Variants in STK3 observed in about 807,000 individuals in gnomAD.
The protein encoded by STK3 is serine/threonine kinase 3.
In STK3, 41 loss-of-function variants were observed where a neutral mutation model predicts 58.0. The observed-to-expected ratio is 0.71, with a 90% CI of 0.55 to 0.92. The LOEUF is 0.92. STK3 is among the 40% of genes least tolerant of loss of function. The pLI is 0.00. For missense variants in STK3, 479 were observed against 602.7 expected (o/e 0.79, Z 2.15); for synonymous variants, 170 against 191.0 (o/e 0.89, Z 0.91).
At chr8:98,589,505 G>A (rs1815046851) in intron 7 of STK3, among the ~76,000 whole-genome samples, 1 of 152,230 alleles carries the variant, frequency 6.6e-6, no homozygotes, top group South Asian at 2.1e-4. Flanking sequence ...CTTCAAAGCT[G>A]TCAGACAGGG....
chr8:98,523,622 G>A (rs181630117), intron 10 of STK3, among the ~76,000 whole-genome samples: 12 of 151,946 alleles, frequency 7.9e-5, no homozygotes, highest in East Asian at 3.9e-4. Context: ...TGATCCACCC[G>A]CCTCAGCCTC....
intron 4 of STK3, among the ~76,000 whole-genome samples, chr8:98,718,046 C>T (rs535425525): frequency 2.0e-5 from 3 of 152,094 alleles, no homozygotes; most frequent in Admixed American, 6.5e-5. Context: ...TGCCAGGGGC[C>T]GAGGTAGCAC....
intron 6 of STK3, among the ~76,000 whole-genome samples, chr8:98,644,545 G>A (rs1234620039): frequency 6.6e-6 from 1 of 151,952 alleles, no homozygotes; most frequent in African/African-American, 2.4e-5. Flanking sequence ...CATGAATAAA[G>A]GGTCCCAAAT....
rs555230408 is a variant in STK3, at chr8:98,821,554, G to T, written c.26+3961C>A. On this transcript the variant is annotated intron_variant, in intron 1 of 10. Transcript: ENST00000419617. ...GCGTGCTTGTGGTCCCAGCTAATCA[G>T]GGAGGCTGAGGTGAGAGGATCACCT... 3.3e-5 allele frequency among the ~76,000 whole-genome samples: 5 copies of T among 151,614 alleles called. No individual in the cohort carries two copies. The East Asian group carries it at 9.7e-4, about 29-fold the overall frequency.
At chr8:98,695,578 T>C (rs1824833614) in intron 6 of STK3, among the ~76,000 whole-genome samples, 1 of 152,230 alleles carries the variant, frequency 6.6e-6, no homozygotes, top group Non-Finnish European at 1.5e-5. Flanking sequence ...TAGCCAGTTT[T>C]CCCAGCACCA....
intron 1 of STK3, among the ~76,000 whole-genome samples, chr8:98,801,128 G>T (rs553846470): frequency 6.6e-6 from 1 of 152,300 alleles, no homozygotes; most frequent in African/African-American, 2.4e-5. Flanking sequence ...TCTGTGTCTA[G>T]CTCAAGGTTT....
chr8:98,846,614 G>A (rs1027186756), intron 3 of STK3, among the ~76,000 whole-genome samples: 1 of 152,038 alleles, frequency 6.6e-6, no homozygotes, highest in South Asian at 2.1e-4. Context: ...AAGCGTATAG[G>A]TTACTTAGTG....
intron 6 of STK3, among the ~76,000 whole-genome samples, chr8:98,667,698 T>C (rs1163075728): frequency 6.6e-6 from 1 of 152,132 alleles, no homozygotes; most frequent in Non-Finnish European, 1.5e-5. Flanking sequence ...TTTGAGCCTA[T>C]GCTGTTTTAA....
At chr8:98,598,270 G>A in intron 6 of STK3, 3 of 985,294 alleles carry the variant, frequency 3.0e-6, no homozygotes, top group Non-Finnish European at 3.6e-6. Context: ...AACATATAAG[G>A]CTCACCTTAG....
intron 10 of STK3, among the ~76,000 whole-genome samples, chr8:98,499,037 T>C (rs1823372855): frequency 6.6e-6 from 1 of 152,180 alleles, no homozygotes; most frequent in Non-Finnish European, 1.5e-5. Context: ...AATGCAATCA[T>C]AAATGTTCTT....
intron 5 of STK3, 31 bp downstream of exon 5, chr8:98,707,116 A>C: frequency 6.3e-7 from 1 of 1,577,700 alleles, no homozygotes. Flanking sequence ...AAATTAGCCA[A>C]GTGTTTAGAA....
chr8:98,524,846 C>A (rs182997609), intron 10 of STK3, among the ~76,000 whole-genome samples: 34 of 152,246 alleles, frequency 2.2e-4, no homozygotes, highest in African/African-American at 7.7e-4. Context: ...CCAGGTAAGC[C>A]CAGCAGAAGA....
intron 4 of STK3, among the ~76,000 whole-genome samples, chr8:98,732,054 C>T (rs1050301137): frequency 1.4e-4 from 22 of 152,026 alleles, no homozygotes; most frequent in African/African-American, 5.1e-4. Flanking sequence ...CAAAAGAGTT[C>T]TTGTAATTAA....
chr8:98,524,265 G>C (rs1444889262), intron 10 of STK3, among the ~76,000 whole-genome samples: 2 of 152,182 alleles, frequency 1.3e-5, no homozygotes, highest in Non-Finnish European at 2.9e-5. Context: ...TTGGTAGTAA[G>C]TTTTGAAATC....
At chr8:98,656,943 A>C (rs763521335) in intron 6 of STK3, among the ~76,000 whole-genome samples, 17 of 152,084 alleles carry the variant, frequency 1.1e-4, no homozygotes, top group Non-Finnish European at 2.2e-4. Context: ...TGGTTGAGTC[A>C]CTCATTCATT....
downstream of STK3, among the ~76,000 whole-genome samples, chr8:98,400,960 C>A (rs7005586): frequency 0.11 from 17,281 of 151,870 alleles, 1,024 homozygotes; most frequent in Non-Finnish European, 0.12. Context: ...CGAGAGATGG[C>A]GGCTGTGTCA....
At chr8:98,458,671 G>A (rs1055487585) in intron 10 of STK3, among the ~76,000 whole-genome samples, 19 of 152,246 alleles carry the variant, frequency 1.2e-4, no homozygotes, top group Middle Eastern at 3.4e-3. Flanking sequence ...GGATCATGGG[G>A]GCAGTTTCCC....
chr8:98,431,319 G>T (rs567939496), intron 3 of STK3: 1 of 167,242 alleles, frequency 6.0e-6, no homozygotes, highest in South Asian at 2.1e-4. Context: ...GTGGGAGGCT[G>T]GGAGGTGGCT....
intron 1 of STK3, among the ~76,000 whole-genome samples, chr8:98,821,994 G>A (rs1834932419): frequency 6.6e-6 from 1 of 152,066 alleles, no homozygotes; most frequent in African/African-American, 2.4e-5. Context: ...TAATACCCAT[G>A]CCTAACATTA....
Sources: allele counts gnomAD v4.1 joint callset (sites outside exome capture counted in the v4.1 genomes callset), GRCh38; gene constraint gnomAD v4.1.1; transcripts MANE v1.5; gene names NCBI Gene and HGNC (gene_info 2026-07-23, HGNC 2026-07-21).